FREM1: variants seen among roughly 807,000 people sequenced by gnomAD.
FREM1 encodes the protein FRAS1 related extracellular matrix 1.
In FREM1, 220 loss-of-function variants were observed where a neutral mutation model predicts 210.1. That is an observed-to-expected ratio of 1.05 (90% confidence interval 0.94 to 1.17). FREM1 has a LOEUF of 1.17. Ranked by LOEUF, FREM1 falls within the 50% of genes most tolerant of loss-of-function variation. The pLI, the probability that FREM1 is intolerant of heterozygous loss-of-function variation, is 0.00. For missense variants in FREM1, 3,454 were observed against 2,675.5 expected (o/e 1.29, Z -6.42); for synonymous variants, 1,189 against 980.2 (o/e 1.21, Z -3.98).
In FREM1 at chr9:14,869,176, A is replaced by G. The variant is rs1832110956; in HGVS notation, c.-199T>C. 5.8e-6 allele frequency: 3 copies of G among 518,654 alleles called. No homozygotes were observed. In the East Asian group the frequency reaches 8.6e-5, roughly 15 times the overall value. The allele number at this position is 518,654 out of a possible 1,614,324, so 32.1% of individuals were successfully genotyped here. Reference sequence around the variant, plus strand: ...CCTTTCAGGCAATCCCAGGGCTTTTAATAAAACTCGCTGATCACTCCTGAC... The same window carrying G: ...CCTTTCAGGCAATCCCAGGGCTTTTGATAAAACTCGCTGATCACTCCTGAC... On this transcript the variant is annotated 5_prime_UTR_variant, in exon 2 of 37. Coordinates refer to ENST00000380880, the MANE Select transcript of FREM1 (RefSeq NM_001379081.2).
At chr9:14,867,064 T>G (rs1023288695) in intron 2 of FREM1, among the ~76,000 whole-genome samples, 1 of 152,150 alleles carries the variant, frequency 6.6e-6, no homozygotes, top group Non-Finnish European at 1.5e-5. Context: ...TTCACCATGT[T>G]GACCAGGCTG....
At chr9:14,742,384 T>C (rs990965537) in intron 35 of FREM1, among the ~76,000 whole-genome samples, 5 of 152,106 alleles carry the variant, frequency 3.3e-5, no homozygotes, top group African/African-American at 1.2e-4. Flanking sequence ...AATTACCAAA[T>C]GTACAATGAC....
At chr9:14,860,816 C>CGTATATATAT (rs1488331325) in intron 3 of FREM1, among the ~76,000 whole-genome samples, 1 of 72,184 alleles carries the variant, frequency 1.4e-5, no homozygotes, top group Non-Finnish European at 2.9e-5. Context: ...TACATATATA[C>CGTATATATAT]ACATATATAC....
At position 14,859,121 on chromosome 9, in the gene FREM1, G is replaced by A; in HGVS notation, c.631+62C>T. On this transcript the variant is annotated intron_variant, in intron 4 of 36. Coordinates refer to ENST00000380880, the MANE Select transcript of FREM1 (RefSeq NM_001379081.2). ...AACTCTTCATCATGGTGGAAGGTGA[G>A]CATGCATGGATATTTTTGTCAGTTT... The A allele has an allele frequency of 2.3e-6, 3 of 1,317,290 alleles. 1 individual carries two copies. The highest frequency in any genetic ancestry group is 3.9e-4 in the Middle Eastern group (2 of 5,176). 81.6% of individuals were successfully genotyped at this position (1,317,290 alleles called of 1,614,324 possible).
chr9:14,848,682 C>G lies in FREM1; in HGVS notation c.1244G>C (p.Arg415Pro). The G allele has an allele frequency of 3.7e-6, 6 of 1,604,532 alleles. No homozygotes were observed. Among genetic ancestry groups the G allele is most frequent in the African/African-American group, 1.3e-5 (1 of 74,838 alleles). Residue 415 changes from arginine to proline, a missense_variant, in exon 7 of 37, where the codon CGT becomes CCT. Arg to Pro is a moderately radical substitution (Grantham distance 103). Transcript: ENST00000380880. ...SIRTADTNAP[R>P]VSWNTGLSLL... ...AGCTTTACCTGTATTCCAGGATACA[C>G]GGGGGGCATTTGTATCTGCTGTTCT...
At chr9:14,901,039 A>C (rs1838696990) in intron 1 of FREM1, among the ~76,000 whole-genome samples, 1 of 152,226 alleles carries the variant, frequency 6.6e-6, no homozygotes, top group African/African-American at 2.4e-5. Context: ...GTTGCATTTT[A>C]ACTTTGTTCC....
intron 5 of FREM1, among the ~76,000 whole-genome samples, chr9:14,853,534 G>C (rs1828143144): frequency 6.6e-6 from 1 of 152,162 alleles, no homozygotes; most frequent in Non-Finnish European, 1.5e-5. Context: ...TGCAGCTTGA[G>C]ACATCTACCA....
intron 27 of FREM1, among the ~76,000 whole-genome samples, chr9:14,769,091 C>A (rs1262272822): frequency 6.6e-6 from 1 of 152,144 alleles, no homozygotes; most frequent in East Asian, 1.9e-4. Flanking sequence ...GGGACCCAGT[C>A]AGTGAAATTG....
At chr9:14,804,920 T>C (rs575038205) in intron 19 of FREM1, 36 bp downstream of exon 19, 1 of 1,500,348 alleles carries the variant, frequency 6.7e-7, no homozygotes, top group South Asian at 1.1e-5. Context: ...ATCAAAATGA[T>C]AAAAGAGAAA....
At chr9:14,876,437 G>C (rs1833759960) in intron 1 of FREM1, among the ~76,000 whole-genome samples, 1 of 152,130 alleles carries the variant, frequency 6.6e-6, no homozygotes, top group Non-Finnish European at 1.5e-5. Flanking sequence ...TTAGACTGCT[G>C]TGCTAGCAAT....
intron 1 of FREM1, among the ~76,000 whole-genome samples, chr9:14,900,569 G>A (rs1358018792): frequency 6.6e-6 from 1 of 152,138 alleles, no homozygotes; most frequent in Non-Finnish European, 1.5e-5. Flanking sequence ...CAGTGTGGTG[G>A]TGGTTGGTTG....
At position 14,800,928 on chromosome 9, in the gene FREM1, T is replaced by C. The variant is rs1430585714; in HGVS notation, c.3694+724A>G. On this transcript the variant is annotated intron_variant, in intron 20 of 36. Coordinates refer to ENST00000380880, the MANE Select transcript of FREM1 (RefSeq NM_001379081.2). Reference sequence around the variant, plus strand: ...TTAATTGGCAAATAAACATTGTATATATTTATGATATATAATGGGGTGTTT... The same window carrying C: ...TTAATTGGCAAATAAACATTGTATACATTTATGATATATAATGGGGTGTTT... Among the ~76,000 whole-genome samples, 5 of 152,344 alleles carry C rather than the reference T, an allele frequency of 3.3e-5. No homozygotes were observed. In the South Asian group the frequency reaches 6.2e-4, roughly 19 times the overall value.
intron 1 of FREM1, among the ~76,000 whole-genome samples, chr9:14,907,613 C>T (rs1818001409): frequency 6.6e-6 from 1 of 152,168 alleles, no homozygotes; most frequent in South Asian, 2.1e-4. Context: ...TTACGGGATC[C>T]CATTGTAAGG....
chr9:14,796,801 C>G (rs1045236899), intron 21 of FREM1, among the ~76,000 whole-genome samples: 1 of 152,136 alleles, frequency 6.6e-6, no homozygotes, highest in Non-Finnish European at 1.5e-5. Flanking sequence ...CTGAGTCCTC[C>G]CAATCCCTAC....
At chr9:14,782,735 C>T (rs1849827266) in intron 24 of FREM1, among the ~76,000 whole-genome samples, 1 of 152,228 alleles carries the variant, frequency 6.6e-6, no homozygotes. Context: ...AGAGTAGTAG[C>T]TAACACTTAC....
intron 24 of FREM1, 95 bp downstream of exon 24, chr9:14,784,275 G>A: frequency 9.1e-7 from 1 of 1,099,024 alleles, no homozygotes; most frequent in Non-Finnish European, 1.3e-6. Context: ...CATGTATTTT[G>A]TGAAATGGTT....
chr9:14,900,434 T>C (rs1021371390), intron 1 of FREM1, among the ~76,000 whole-genome samples: 2 of 152,156 alleles, frequency 1.3e-5, no homozygotes, highest in Admixed American at 1.3e-4. Flanking sequence ...GTTAGGATCT[T>C]TGGCATGTCT....
chr9:14,892,131 G>A (rs1437819662), intron 1 of FREM1, among the ~76,000 whole-genome samples: 3 of 151,628 alleles, frequency 2.0e-5, no homozygotes, highest in Non-Finnish European at 4.4e-5. Context: ...GTCTGGATTG[G>A]GACCCCTTTC....
intron 22 of FREM1, among the ~76,000 whole-genome samples, chr9:14,791,923 C>G (rs554986564): frequency 7.2e-5 from 11 of 152,174 alleles, no homozygotes; most frequent in South Asian, 2.1e-4. Flanking sequence ...ACCTCTCCCC[C>G]CTCTCCCGGG....
Sources: allele counts gnomAD v4.1 joint callset (sites outside exome capture counted in the v4.1 genomes callset), GRCh38; gene constraint gnomAD v4.1.1; transcripts MANE v1.5; gene names NCBI Gene and HGNC (gene_info 2026-07-23, HGNC 2026-07-21).